The following PLEKHG4B variants were observed in gnomAD, a reference collection of about 807,000 sequenced individuals.
PLEKHG4B encodes the protein pleckstrin homology domain-containing family G member 4B.
In PLEKHG4B, 111 loss-of-function variants were observed where a neutral mutation model predicts 121.3. The observed-to-expected ratio is 0.92, with a 90% CI of 0.78 to 1.07. The LOEUF (loss-of-function observed/expected upper bound fraction) is 1.07. PLEKHG4B is among the 50% of genes least tolerant of loss of function. The pLI is 0.00. For synonymous variants in PLEKHG4B, 738 were observed against 725.0 expected (o/e 1.02, Z -0.29); for missense variants, 1,831 against 1,757.8 (o/e 1.04, Z -0.74).
intron 2 of PLEKHG4B, among the ~76,000 whole-genome samples, chr5:135,480 A>G (rs1416016945): frequency 6.7e-6 from 1 of 149,324 alleles, no homozygotes; most frequent in East Asian, 2.0e-4. Context: ...CCTGGCTAAC[A>G]CAGTGAAACC....
At chr5:181,956 C>T (rs769778760) in intron 19 of PLEKHG4B, 48 bp from the exon 20 acceptor site, 4 of 1,572,094 alleles carry the variant, frequency 2.5e-6, no homozygotes, top group East Asian at 2.2e-5. Context: ...ACCTGGGCTG[C>T]ACTTCTGGAG....
intron 3 of PLEKHG4B, among the ~76,000 whole-genome samples, chr5:142,073 G>A (rs1579281437): frequency 6.6e-6 from 1 of 152,224 alleles, no homozygotes; most frequent in Non-Finnish European, 1.5e-5. Flanking sequence ...GTCCCGGAGA[G>A]TGCCGCACAC....
At chr5:122,592 T>C (rs1734501629) in intron 2 of PLEKHG4B, among the ~76,000 whole-genome samples, 1 of 152,022 alleles carries the variant, frequency 6.6e-6, no homozygotes, top group African/African-American at 2.4e-5. Flanking sequence ...GCTAATTTTT[T>C]GTATTTTTAG....
At chr5:105,801 C>T (rs973170958) in intron 1 of PLEKHG4B, among the ~76,000 whole-genome samples, 3 of 152,162 alleles carry the variant, frequency 2.0e-5, no homozygotes, top group Admixed American at 6.5e-5. Flanking sequence ...GTTTTCAAGA[C>T]GACGTAAGCA....
intron 1 of PLEKHG4B, among the ~76,000 whole-genome samples, chr5:96,505 G>A (rs1733630929): frequency 6.6e-6 from 1 of 152,212 alleles, no homozygotes; most frequent in Admixed American, 6.5e-5. Context: ...TTTTAAAGAA[G>A]TGTTTTGTAG....
At chr5:164,351 G>A (rs966959800) in intron 13 of PLEKHG4B, among the ~76,000 whole-genome samples, 6 of 152,326 alleles carry the variant, frequency 3.9e-5, no homozygotes, top group South Asian at 2.1e-4. Context: ...GTGCTTCTCC[G>A]AGACTCTAAT....
chr5:181,930 CT>C lies in PLEKHG4B; in HGVS notation c.4565-73del, dbSNP rs1733404924. On this transcript the variant is annotated intron_variant, in intron 19 of 19. Coordinates refer to ENST00000637938, the MANE Select transcript of PLEKHG4B (RefSeq NM_052909.5). ...AGCCTGGTCGGCCTTTCAGACGGCTCTGATCCCATTCCCGAACCTGGGCTGC... is the reference window on the plus strand; with the variant it reads ...AGCCTGGTCGGCCTTTCAGACGGCTCGATCCCATTCCCGAACCTGGGCTGC... The C allele has an allele frequency of 2.0e-6, 3 of 1,516,218 alleles. No individual in the cohort carries two copies. In the East Asian group the frequency reaches 6.8e-5, roughly 34 times the overall value. The allele number at this position is 1,516,218 out of a possible 1,614,324, so 93.9% of individuals were successfully genotyped here. A position where few individuals can be genotyped will look rare whatever the true frequency, so the allele number is the denominator to read the frequency against.
intron 1 of PLEKHG4B, among the ~76,000 whole-genome samples, chr5:95,883 A>G (rs1472272994): frequency 2.0e-5 from 3 of 151,814 alleles, no homozygotes; most frequent in African/African-American, 7.3e-5. Context: ...GAGACCACCC[A>G]CCTCTTCAGT....
chr5:119,811 C>A (rs17557733), intron 2 of PLEKHG4B, among the ~76,000 whole-genome samples: 9,455 of 152,292 alleles, frequency 0.062, 434 homozygotes, highest in Non-Finnish European at 0.09. Context: ...TAGGAAACCT[C>A]TGGGCTGACA....
intron 6 of PLEKHG4B, among the ~76,000 whole-genome samples, chr5:150,403 G>A (rs568398754): frequency 6.6e-6 from 1 of 152,304 alleles, no homozygotes; most frequent in African/African-American, 2.4e-5. Context: ...GCTCTTACAA[G>A]ATGAAAAGAG....
chr5:169,160 C>G (rs1736450462), intron 13 of PLEKHG4B, 180 bp from the exon 14 acceptor site: 5 of 757,134 alleles, frequency 6.6e-6, no homozygotes, highest in Non-Finnish European at 1.0e-5. Context: ...AGGCACGAGC[C>G]CCCACGCCTG....
Position 174,634 on chromosome 5 carries a change from C to T in PLEKHG4B, c.4402+536C>T, listed in dbSNP as rs1291595245. On this transcript the variant is annotated intron_variant, in intron 18 of 19. Transcript: ENST00000637938. The stretch of plus-strand genomic sequence containing the variant: ...GGTTTAAGGGCCATTTGTATAGGCA[C>T]GGTCTGGGGAAACAACAGGATCACA... 2.0e-5 allele frequency among the ~76,000 whole-genome samples: 3 copies of T among 152,114 alleles called. No individual in the cohort carries two copies. The East Asian group carries it at 5.8e-4, about 29-fold the overall frequency.
chr5:151,649 A>G, intron 7 of PLEKHG4B, 50 bp downstream of exon 7: 1 of 1,236,986 alleles, frequency 8.1e-7, no homozygotes, highest in South Asian at 1.3e-5. Flanking sequence ...ATTAAACATT[A>G]AGGCACCTAG....
chr5:188,361 C>T lies in PLEKHG4B; in HGVS notation c.*6038C>T, dbSNP rs1733687574. 6.6e-6 allele frequency: 1 copy of T among 152,236 alleles called. No homozygotes were observed. Among genetic ancestry groups the T allele is most frequent in the Non-Finnish European group, 1.5e-5 (1 of 68,082 alleles). 9.4% of individuals were successfully genotyped at this position (152,236 alleles called of 1,614,324 possible). On this transcript the variant is annotated 3_prime_UTR_variant, in exon 20 of 20. Transcript: ENST00000637938. ...GACCGACCCTGCAGGGAGATGCTGA[C>T]CCACCCTGAGACCCAGGAGAAGAAA...
At chr5:143,287 G>A (rs985713024) in intron 4 of PLEKHG4B, 31 bp downstream of exon 4, 3 of 1,608,654 alleles carry the variant, frequency 1.9e-6, no homozygotes, top group Admixed American at 1.7e-5. Flanking sequence ...CTCCTGTCAG[G>A]GCGGATCTGA....
intron 7 of PLEKHG4B, 39 bp downstream of exon 7, chr5:151,638 AATT>A: frequency 1.5e-6 from 2 of 1,353,006 alleles, no homozygotes; most frequent in Non-Finnish European, 2.1e-6. Flanking sequence ...TGATGGATAA[AATT>A]AAACATTAAG....
intron 18 of PLEKHG4B, among the ~76,000 whole-genome samples, chr5:180,130 AG>A (rs1736885610): frequency 6.6e-6 from 1 of 152,070 alleles, no homozygotes; most frequent in African/African-American, 2.4e-5. Context: ...TTTATTAAGT[AG>A]TAGATATGAT....
At chr5:181,759 C>A in intron 19 of PLEKHG4B, 84 bp downstream of exon 19, 1 of 1,521,526 alleles carries the variant, frequency 6.6e-7, no homozygotes. Context: ...TGGCATCGGC[C>A]CCACCCTCAC....
chr5:132,351 G>A (rs1181320223), intron 2 of PLEKHG4B, among the ~76,000 whole-genome samples: 5 of 152,078 alleles, frequency 3.3e-5, no homozygotes, highest in East Asian at 1.9e-4. Flanking sequence ...TGGGTCATCC[G>A]TTTGCTGATT....
Sources: allele counts gnomAD v4.1 joint callset (sites outside exome capture counted in the v4.1 genomes callset), GRCh38; gene constraint gnomAD v4.1.1; transcripts MANE v1.5; gene names NCBI Gene and HGNC (gene_info 2026-07-23, HGNC 2026-07-21).